ATP6V0D2: variants seen among roughly 807,000 people sequenced by gnomAD.
ATP6V0D2 encodes the protein ATPase H+ transporting V0 subunit d2.
In ATP6V0D2, 40 loss-of-function variants were observed where a neutral mutation model predicts 40.0. The observed-to-expected ratio is 1.00, with a 90% CI of 0.78 to 1.30. ATP6V0D2 has a LOEUF of 1.30. Among genes scored for constraint, ATP6V0D2 ranks in the 50% most tolerant of loss-of-function variants. ATP6V0D2 has a pLI of 0.00. For synonymous variants in ATP6V0D2, 179 were observed against 156.3 expected (o/e 1.15, Z -1.08); for missense variants, 470 against 423.1 (o/e 1.11, Z -0.97).
intron 2 of ATP6V0D2, among the ~76,000 whole-genome samples, chr8:86,131,027 G>A (rs532765993): frequency 1.6e-4 from 24 of 151,998 alleles, no homozygotes; most frequent in East Asian, 1.2e-3. Flanking sequence ...TGTGGCCAGC[G>A]GTTCTTTGTC....
chr8:86,108,123 A>G (rs1818490137), intron 1 of ATP6V0D2, among the ~76,000 whole-genome samples: 1 of 152,042 alleles, frequency 6.6e-6, no homozygotes, highest in Admixed American at 6.6e-5. Context: ...ACCTACCTGA[A>G]TCATCTTTTT....
chr8:86,133,554 C>T (rs1818855970), intron 2 of ATP6V0D2, among the ~76,000 whole-genome samples: 2 of 151,802 alleles, frequency 1.3e-5, no homozygotes, highest in African/African-American at 4.8e-5. Context: ...AACTCCTGAC[C>T]TTGTGATACA....
At chr8:86,113,686 A>G (rs942380561) in intron 1 of ATP6V0D2, 23 bp from the exon 2 acceptor site, 6 of 1,577,318 alleles carry the variant, frequency 3.8e-6, no homozygotes, top group Non-Finnish European at 4.3e-6. Flanking sequence ...TTTAACCTGA[A>G]TTGGGGTTTC....
intron 2 of ATP6V0D2, among the ~76,000 whole-genome samples, chr8:86,133,929 C>A (rs1233780941): frequency 1.3e-5 from 2 of 151,932 alleles, no homozygotes; most frequent in East Asian, 3.9e-4. Flanking sequence ...GAAAATTCCC[C>A]CCATTTGGCA....
chr8:86,128,362 T>TAAAC (rs149994657), intron 2 of ATP6V0D2, among the ~76,000 whole-genome samples: 18 of 151,618 alleles, frequency 1.2e-4, no homozygotes, highest in Non-Finnish European at 2.2e-4. Context: ...AATAAATAAA[T>TAAAC]AAACAAACAA....
intron 1 of ATP6V0D2, among the ~76,000 whole-genome samples, chr8:86,103,031 A>G (rs905335491): frequency 6.6e-5 from 10 of 152,216 alleles, no homozygotes; most frequent in Non-Finnish European, 1.0e-4. Context: ...TCAATACTTA[A>G]AGTTTAGTAG....
Position 86,099,009 on chromosome 8 carries a change from G to T in ATP6V0D2, c.31G>T (p.Val11Leu). 6.2e-7 allele frequency: 1 copy of T among 1,614,036 alleles called. No individual in the cohort carries two copies. The highest frequency in any genetic ancestry group is 8.5e-7 in the Non-Finnish European group (1 of 1,179,998). MLEGAELYFN[V>L]DHGYLEGLVR... is the part of the protein sequence containing the mutation. ...CGAAGGTGCGGAGCTGTACTTCAAC[G>T]TGGACCATGGCTACCTGGAGGGCCT... is the stretch of plus-strand genomic sequence containing the variant. The change falls in exon 1 of 8, where the codon GTG becomes TTG. Residue 11 changes from valine to leucine, a missense_variant. Coordinates refer to ENST00000285393, the MANE Select transcript of ATP6V0D2 (RefSeq NM_152565.1).
chr8:86,133,691 C>A (rs1230202964), intron 2 of ATP6V0D2, among the ~76,000 whole-genome samples: 3 of 151,958 alleles, frequency 2.0e-5, no homozygotes, highest in Non-Finnish European at 4.4e-5. Flanking sequence ...TGCAACCCCA[C>A]CCCTGTCAGC....
intron 1 of ATP6V0D2, among the ~76,000 whole-genome samples, chr8:86,106,115 T>A (rs1392913810): frequency 6.6e-6 from 1 of 152,178 alleles, no homozygotes; most frequent in East Asian, 1.9e-4. Context: ...ATGGTGCTTT[T>A]TTTTTTTATT....
intron 2 of ATP6V0D2, among the ~76,000 whole-genome samples, chr8:86,121,728 C>A (rs1419590148): frequency 6.8e-6 from 1 of 147,008 alleles, no homozygotes; most frequent in Non-Finnish European, 1.5e-5. Flanking sequence ...TCTTATCTCT[C>A]TTCCAGTATA....
intron 2 of ATP6V0D2, among the ~76,000 whole-genome samples, chr8:86,127,822 G>T (rs1434266498): frequency 3.3e-5 from 5 of 152,174 alleles, no homozygotes; most frequent in African/African-American, 1.2e-4. Flanking sequence ...AAAACAAAAT[G>T]GTTGTCATTA....
chr8:86,145,205 A>G (rs540098453), intron 5 of ATP6V0D2, among the ~76,000 whole-genome samples: 14 of 21,634 alleles, frequency 6.5e-4, no homozygotes, highest in African/African-American at 2.2e-3. Flanking sequence ...AAAAGAAAGA[A>G]AGAAAGAAAG....
chr8:86,108,635 A>G (rs567662742), intron 1 of ATP6V0D2, among the ~76,000 whole-genome samples: 1 of 152,228 alleles, frequency 6.6e-6, no homozygotes, highest in East Asian at 1.9e-4. Flanking sequence ...GGGTCTCCCT[A>G]TGTTACCCAG....
chr8:86,119,160 G>A (rs1818634759), intron 2 of ATP6V0D2, among the ~76,000 whole-genome samples: 1 of 151,602 alleles, frequency 6.6e-6, no homozygotes, highest in South Asian at 2.1e-4. Context: ...TCTAAAAACA[G>A]CTGTGAGTCC....
At chr8:86,119,652 A>G (rs1437313869) in intron 2 of ATP6V0D2, among the ~76,000 whole-genome samples, 1 of 152,226 alleles carries the variant, frequency 6.6e-6, no homozygotes. Context: ...AATTACTTAA[A>G]ATTTTAAATA....
chr8:86,136,602 A>G (rs1274795441), intron 2 of ATP6V0D2, among the ~76,000 whole-genome samples: 1 of 152,184 alleles, frequency 6.6e-6, no homozygotes, highest in Non-Finnish European at 1.5e-5. Flanking sequence ...GCTGTTCAGG[A>G]GGTGAAGAAA....
intron 2 of ATP6V0D2, among the ~76,000 whole-genome samples, chr8:86,135,406 G>C (rs573035904): frequency 6.6e-6 from 1 of 152,246 alleles, no homozygotes; most frequent in South Asian, 2.1e-4. Context: ...ATATCATCTG[G>C]CTTGAGCTCT....
intron 1 of ATP6V0D2, among the ~76,000 whole-genome samples, chr8:86,111,512 G>A (rs1222936402): frequency 6.6e-6 from 1 of 152,078 alleles, no homozygotes; most frequent in Non-Finnish European, 1.5e-5. Flanking sequence ...TTGATTCTAT[G>A]TCTTAGCTAT....
rs1818944059 is a variant in ATP6V0D2, at chr8:86,139,474, A to G, written c.320A>G (p.Asp107Gly). The G allele has an allele frequency of 1.9e-6, 3 of 1,610,626 alleles. No homozygotes were observed. The highest frequency in any genetic ancestry group is 2.5e-6 in the Non-Finnish European group (3 of 1,178,698). Residue 107 changes from aspartate to glycine, a missense_variant, in exon 3 of 8, where the codon GAC becomes GGC. Coordinates refer to ENST00000285393, the MANE Select transcript of ATP6V0D2 (RefSeq NM_152565.1). ...TGAACCAGGTGCAGTTATATGATAG[A>G]CAATGTGATTCTGCTGATGAATGGT... ...LTYMTCSYMI[D>G]NVILLMNGAL... is the part of the protein sequence containing the mutation.
Sources: gnomAD v4.1 joint callset for allele counts (sites outside exome capture counted in the v4.1 genomes callset) on GRCh38, gnomAD v4.1.1 for gene constraint, MANE v1.5 for transcripts, NCBI Gene and HGNC (gene_info 2026-07-23, HGNC 2026-07-21) for gene names.